The following ATP13A4 variants were observed in gnomAD, a reference collection of about 807,000 sequenced individuals.
ATP13A4 encodes ATPase 13A4, also known as probable cation-transporting ATPase 13A4.
A neutral mutation model predicts 142.5 loss-of-function variants in ATP13A4; 114 were observed. The ratio of observed to expected loss-of-function variants is 0.80; its 90% confidence interval spans 0.69 to 0.93. The LOEUF is 0.93. ATP13A4 is among the 40% of genes least tolerant of loss of function. The pLI is 0.00. For missense variants in ATP13A4, 1,392 were observed against 1,454.0 expected, an observed-to-expected ratio of 0.96 and a Z score of 0.69; for synonymous variants, 488 against 514.8, an observed-to-expected ratio of 0.95 and a Z score of 0.70.
At chr3:193,482,079 A>G (rs924581818) in intron 8 of ATP13A4, among the ~76,000 whole-genome samples, 1 of 152,156 alleles carries the variant, frequency 6.6e-6, no homozygotes, top group African/African-American at 2.4e-5. Flanking sequence ...TTTGTATGGT[A>G]TTGCTATAAA....
At chr3:193,429,190 C>A (rs1194943041) in intron 25 of ATP13A4, among the ~76,000 whole-genome samples, 1 of 151,964 alleles carries the variant, frequency 6.6e-6, no homozygotes, top group Non-Finnish European at 1.5e-5. Flanking sequence ...CAATTAGACC[C>A]CTTATACATT....
At chr3:193,474,426 C>T (rs1241767502) in intron 8 of ATP13A4, among the ~76,000 whole-genome samples, 1 of 150,636 alleles carries the variant, frequency 6.6e-6, no homozygotes, top group African/African-American at 2.4e-5. Flanking sequence ...TGGTGGCGCA[C>T]ACTGGAAGCT....
chr3:193,484,565 T>C (rs1577011819), intron 7 of ATP13A4, among the ~76,000 whole-genome samples: 1 of 152,166 alleles, frequency 6.6e-6, no homozygotes, highest in African/African-American at 2.4e-5. Flanking sequence ...CATTTTGTCG[T>C]CCTGATTTTG....
chr3:193,519,334 A>G (rs1174781363), intron 1 of ATP13A4, among the ~76,000 whole-genome samples: 1 of 152,168 alleles, frequency 6.6e-6, no homozygotes, highest in Non-Finnish European at 1.5e-5. Context: ...TAAGACAGAA[A>G]GCAGATTGCC....
At position 193,399,464 on chromosome 3, in the gene ATP13A4, A is replaced by G. The variant is rs1270905972; in HGVS notation, c.*3188T>C. Among the ~76,000 whole-genome samples, 1 of 152,084 alleles carries G rather than the reference A, an allele frequency of 6.6e-6. No homozygotes were observed. On this transcript the variant is annotated 3_prime_UTR_variant, in exon 30 of 30. Transcript: ENST00000342695. ...CAAGGTACAGGGCAATTGAGTCTAT[A>G]TGTCCACACAATCGGATCTGACAAG...
chr3:193,471,982 C>T (rs1001091618), intron 8 of ATP13A4, among the ~76,000 whole-genome samples: 17 of 152,212 alleles, frequency 1.1e-4, no homozygotes, highest in African/African-American at 3.9e-4. Context: ...CAGAAGGGCC[C>T]CCATGGTGGC....
chr3:193,441,400 G>T, intron 20 of ATP13A4, 66 bp downstream of exon 20: 1 of 1,581,428 alleles, frequency 6.3e-7, no homozygotes, highest in South Asian at 1.1e-5. Context: ...AATAATTTAG[G>T]ACCATGTTCT....
chr3:193,487,036 T>G (rs1013097178), intron 7 of ATP13A4, among the ~76,000 whole-genome samples: 2 of 152,182 alleles, frequency 1.3e-5, no homozygotes, highest in Non-Finnish European at 2.9e-5. Flanking sequence ...TTAAATGCAT[T>G]TTCATGTTGT....
intron 1 of ATP13A4, 148 bp downstream of exon 1, chr3:193,554,592 A>T (rs1295908427): frequency 1.0e-6 from 1 of 980,458 alleles, no homozygotes; most frequent in African/African-American, 1.6e-5. Flanking sequence ...CTCAAACATG[A>T]CCTTTTCTCG....
At chr3:193,429,421 A>C (rs1164246504) in intron 25 of ATP13A4, among the ~76,000 whole-genome samples, 1 of 152,148 alleles carries the variant, frequency 6.6e-6, no homozygotes, top group African/African-American at 2.4e-5. Flanking sequence ...AAATGGATAG[A>C]TAAAATGTGG....
Position 193,454,214 on chromosome 3 carries a change from T to C in ATP13A4, c.1916-2A>G. The C allele has an allele frequency of 6.2e-7, 1 of 1,603,896 alleles. No individual in the cohort carries two copies. The highest frequency in any genetic ancestry group is 8.5e-7 in the Non-Finnish European group (1 of 1,170,738). ...GTTCGCTAACAAAACTAGTGGGTAC[T>C]GTTTAGAAAGAAACACAGGGTTAGT... On this transcript the variant is annotated splice_acceptor_variant, in intron 16 of 29. Transcript: ENST00000342695. LOFTEE classifies it high-confidence loss of function.
intron 12 of ATP13A4, 151 bp downstream of exon 12, chr3:193,464,789 T>C: frequency 2.4e-6 from 2 of 850,290 alleles, no homozygotes; most frequent in South Asian, 3.1e-5. Flanking sequence ...TCAAGAGACA[T>C]ATCTTTCCCA....
At chr3:193,530,480 C>T (rs144136052) in intron 1 of ATP13A4, among the ~76,000 whole-genome samples, 13 of 152,282 alleles carry the variant, frequency 8.5e-5, no homozygotes, top group East Asian at 5.8e-4. Context: ...ATTCTCCCCA[C>T]GTTCCCTGAA....
intron 25 of ATP13A4, among the ~76,000 whole-genome samples, chr3:193,422,906 A>G (rs1267803020): frequency 6.7e-6 from 1 of 149,704 alleles, no homozygotes; most frequent in Non-Finnish European, 1.5e-5. Context: ...TTGACCTAAA[A>G]GCAATACAAA....
chr3:193,414,165 T>A (rs979987061), intron 26 of ATP13A4, among the ~76,000 whole-genome samples: 3 of 152,146 alleles, frequency 2.0e-5, no homozygotes, highest in African/African-American at 7.2e-5. Context: ...CAACAACAAA[T>A]CTCTGATAAT....
chr3:193,454,126 C>T lies in ATP13A4; in HGVS notation c.2002G>A (p.Asp668Asn). 3.7e-6 allele frequency: 6 copies of T among 1,613,756 alleles called. No individual in the cohort carries two copies. The highest frequency in any genetic ancestry group is 5.1e-6 in the Non-Finnish European group (6 of 1,179,642). The change falls in exon 17 of 30, where the codon GAC becomes AAC. Residue 668 changes from aspartate (D) to asparagine (N), a missense_variant. Physicochemically the swap from Asp to Asn is conservative, Grantham distance 23 (BLOSUM62 1). Coordinates refer to ENST00000342695, the MANE Select transcript of ATP13A4 (RefSeq NM_032279.4). ...IALAYKKLEN[D>N]HHATTLTRET... ...CTCGTCAAGGTAGTAGCGTGATGGTCATTTTCCAGCTTCTTGTAGGCCAGT... is the reference window on the plus strand; with the variant it reads ...CTCGTCAAGGTAGTAGCGTGATGGTTATTTTCCAGCTTCTTGTAGGCCAGT...
intron 1 of ATP13A4, among the ~76,000 whole-genome samples, chr3:193,536,662 G>A (rs886071519): frequency 3.3e-5 from 5 of 151,844 alleles, no homozygotes; most frequent in African/African-American, 1.2e-4. Flanking sequence ...GGAAATAAAA[G>A]GCATACAGAA....
At chr3:193,536,051 C>CA (rs1470488163) in intron 1 of ATP13A4, among the ~76,000 whole-genome samples, 1 of 151,654 alleles carries the variant, frequency 6.6e-6, no homozygotes, top group East Asian at 1.9e-4. Flanking sequence ...AAAAGTCTAC[C>CA]AAACATTGAA....
chr3:193,463,102 G>C (rs1215026970), intron 12 of ATP13A4, among the ~76,000 whole-genome samples: 1 of 152,124 alleles, frequency 6.6e-6, no homozygotes. Context: ...CTTCAAGGAG[G>C]GGCACAATGG....
Sources: gnomAD v4.1 joint callset for allele counts (sites outside exome capture counted in the v4.1 genomes callset) on GRCh38, gnomAD v4.1.1 for gene constraint, MANE v1.5 for transcripts, NCBI Gene and HGNC (gene_info 2026-07-23, HGNC 2026-07-21) for gene names.